Variants in RNF111 observed in about 807,000 individuals in gnomAD.
The protein encoded by RNF111 is E3 ubiquitin-protein ligase Arkadia.
Under a neutral mutation model 95.1 loss-of-function variants are expected in RNF111, and 17 were observed. The ratio of observed to expected loss-of-function variants is 0.18; its 90% CI spans 0.12 to 0.27. The LOEUF is 0.27. Ranked by LOEUF, RNF111 falls within the 10% of genes least tolerant of loss-of-function variation. The pLI is 1.00. For missense variants in RNF111, 1,189 were observed against 1,210.4 expected, an observed-to-expected ratio of 0.98 and a Z score of 0.26; for synonymous variants, 440 against 414.8, an observed-to-expected ratio of 1.06 and a Z score of -0.74.
rs1447908398 is a variant in RNF111, at chr15:59,066,710, TAC to T, written c.1367-50_1367-49del. 1.4e-5 allele frequency: 20 copies of T among 1,394,206 alleles called. 1 individual carries two copies. In the Middle Eastern group the frequency reaches 5.4e-4, roughly 38 times the overall value. The allele number at this position is 1,394,206 out of a possible 1,614,324, so 86.4% of individuals were successfully genotyped here. On this transcript the variant is annotated intron_variant, in intron 5 of 13. Coordinates refer to ENST00000348370, the MANE Select transcript of RNF111 (RefSeq NM_017610.8). The stretch of plus-strand genomic sequence containing the variant: ...TATTTATACCCCATACCTATTTTTT[TAC>T]ACAGTGATATTTCATGATTTGATTA...
At chr15:58,990,513 A>AT (rs1180557519) in intron 1 of RNF111, among the ~76,000 whole-genome samples, 2 of 152,170 alleles carry the variant, frequency 1.3e-5, no homozygotes, top group African/African-American at 2.4e-5. Flanking sequence ...AGCCGAGCTT[A>AT]GTGGTGTGCG....
chr15:59,008,790 T>C (rs760329795), intron 1 of RNF111, among the ~76,000 whole-genome samples: 3 of 152,008 alleles, frequency 2.0e-5, no homozygotes, highest in Admixed American at 1.3e-4. Flanking sequence ...GCTTATACTT[T>C]AAAAAAAATC....
intron 1 of RNF111, among the ~76,000 whole-genome samples, chr15:59,008,962 T>C (rs1485153155): frequency 6.6e-6 from 1 of 152,048 alleles, no homozygotes; most frequent in African/African-American, 2.4e-5. Context: ...TTTATTTTAT[T>C]TTATTTTATT....
intron 1 of RNF111, 67 bp from the exon 2 acceptor site, chr15:59,030,737 A>G (rs1189639224): frequency 1.9e-5 from 21 of 1,105,832 alleles, no homozygotes; most frequent in African/African-American, 4.7e-5. Context: ...GAATTTGAGA[A>G]CTCTTCAATT....
chr15:58,988,533 A>G (rs190491354), intron 1 of RNF111: 32 of 152,506 alleles, frequency 2.1e-4, no homozygotes, highest in African/African-American at 7.5e-4. Context: ...CAGATTTTGT[A>G]TGGAGTTGGC....
intron 1 of RNF111, among the ~76,000 whole-genome samples, chr15:59,002,971 T>C (rs1358663399): frequency 6.6e-6 from 1 of 152,146 alleles, no homozygotes; most frequent in Non-Finnish European, 1.5e-5. Context: ...AACCTTTACA[T>C]TTGTTTTGTT....
intron 2 of RNF111, among the ~76,000 whole-genome samples, chr15:59,050,072 T>C (rs1448734594): frequency 2.0e-5 from 3 of 151,090 alleles, no homozygotes; most frequent in East Asian, 3.9e-4. Context: ...TTTTCTTTTT[T>C]TTTTTGTTTT....
rs181828347 is a variant in RNF111 at position 59,090,377 on chromosome 15, C to T, written c.2643+618C>T. Among the ~76,000 whole-genome samples the T allele has an allele frequency of 1.1e-4, 17 of 152,154 alleles. No individual in the cohort carries two copies. The East Asian group carries it at 2.5e-3, about 22-fold the overall frequency. On this transcript the variant is annotated intron_variant, in intron 11 of 13. Transcript: ENST00000348370. ...CCTGAGTAGCTGGGATTACAGGTGCCCGCCACCACGCCCGGCTAATTTTTG... is the reference window on the plus strand; with the variant it reads ...CCTGAGTAGCTGGGATTACAGGTGCTCGCCACCACGCCCGGCTAATTTTTG...
At chr15:59,038,919 C>A (rs1300430146) in intron 2 of RNF111, among the ~76,000 whole-genome samples, 1 of 152,050 alleles carries the variant, frequency 6.6e-6, no homozygotes, top group South Asian at 2.1e-4. Context: ...TGTTTTTTAG[C>A]AGTTATTAAT....
At chr15:59,020,528 A>G (rs2040288492) in intron 1 of RNF111, among the ~76,000 whole-genome samples, 1 of 152,244 alleles carries the variant, frequency 6.6e-6, no homozygotes, top group African/African-American at 2.4e-5. Flanking sequence ...TTGCTAGAGC[A>G]GTAGACTCTG....
chr15:59,064,459 C>A (rs2142058262), intron 5 of RNF111, among the ~76,000 whole-genome samples: 1 of 146,910 alleles, frequency 6.8e-6, no homozygotes, highest in South Asian at 2.1e-4. Flanking sequence ...TGGCGTGAAC[C>A]CGGGAGGCAG....
At chr15:59,044,249 T>G (rs2041604915) in intron 2 of RNF111, among the ~76,000 whole-genome samples, 1 of 152,184 alleles carries the variant, frequency 6.6e-6, no homozygotes, top group Non-Finnish European at 1.5e-5. Context: ...CAGATTGGTC[T>G]CAAACTCCTG....
chr15:59,054,866 G>C (rs2042140129), intron 3 of RNF111, among the ~76,000 whole-genome samples: 1 of 152,152 alleles, frequency 6.6e-6, no homozygotes. Context: ...GTTTGAACAG[G>C]AGAAAGCCCT....
intron 8 of RNF111, among the ~76,000 whole-genome samples, chr15:59,082,178 T>C (rs1333579911): frequency 6.6e-6 from 1 of 152,214 alleles, no homozygotes; most frequent in African/African-American, 2.4e-5. Context: ...CTAAATTGTA[T>C]GTGTTGAAAA....
intron 10 of RNF111, among the ~76,000 whole-genome samples, chr15:59,086,765 G>T (rs1478480891): frequency 6.6e-6 from 1 of 152,184 alleles, no homozygotes; most frequent in Non-Finnish European, 1.5e-5. Context: ...TTAGGAGTGA[G>T]GGTCAGGCAG....
chr15:59,073,039 G>T (rs150464433), intron 6 of RNF111, among the ~76,000 whole-genome samples: 49 of 152,306 alleles, frequency 3.2e-4, no homozygotes, highest in African/African-American at 1.2e-3. Context: ...GGGTGCAGTG[G>T]CACGCGCCTG....
intron 6 of RNF111, among the ~76,000 whole-genome samples, chr15:59,072,450 CTTTTTTTTTTT>C (rs35989790): frequency 3.9e-5 from 4 of 102,784 alleles, no homozygotes; most frequent in African/African-American, 8.1e-5. Flanking sequence ...TCATTTCCAT[CTTTTTTTTTTT>C]TTTTTTTTTT....
chr15:59,022,049 G>A (rs1045473956), intron 1 of RNF111, among the ~76,000 whole-genome samples: 1 of 151,630 alleles, frequency 6.6e-6, no homozygotes, highest in Non-Finnish European at 1.5e-5. Flanking sequence ...TAGTTGAGAC[G>A]GGGTATCACC....
chr15:59,072,648 T>G lies in RNF111; in HGVS notation c.1687-3306T>G, dbSNP rs189332943. Among the ~76,000 whole-genome samples the G allele has an allele frequency of 6.8e-4, 103 of 151,704 alleles. 1 individual carries two copies. The highest frequency in any genetic ancestry group is 2.4e-3 in the African/African-American group (100 of 41,350). The stretch of plus-strand genomic sequence containing the variant: ...TTGTATTTTTTAGTAGAGACGGGGT[T>G]TCACCGTGATAGCCACGTTGGTCTC... On this transcript the variant is annotated intron_variant, in intron 6 of 13. Coordinates refer to ENST00000348370, the MANE Select transcript of RNF111 (RefSeq NM_017610.8).
Sources: gnomAD v4.1 joint callset for allele counts (sites outside exome capture counted in the v4.1 genomes callset) on GRCh38, gnomAD v4.1.1 for gene constraint, MANE v1.5 for transcripts, NCBI Gene and HGNC (gene_info 2026-07-23, HGNC 2026-07-21) for gene names.